Variants in MAGI2 observed in about 807,000 individuals in gnomAD.
The protein encoded by MAGI2 is membrane-associated guanylate kinase, WW and PDZ domain-containing protein 2.
A neutral mutation model predicts 133.3 loss-of-function variants in MAGI2; 35 were observed. That is an observed-to-expected ratio of 0.26 (90% CI 0.20 to 0.35). The LOEUF (loss-of-function observed/expected upper bound fraction) is 0.35, where lower values mean the gene tolerates loss of function less well. Among genes scored for constraint, MAGI2 ranks in the 10% least tolerant of loss-of-function variants. The pLI, the probability that MAGI2 is intolerant of heterozygous loss-of-function variation, is 1.00. For missense variants in MAGI2, 1,636 were observed against 1,863.4 expected (o/e 0.88, Z 2.25); for synonymous variants, 729 against 710.6 (o/e 1.03, Z -0.41).
chr7:79,230,644 T>C (rs1831286584), intron 1 of MAGI2, among the ~76,000 whole-genome samples: 1 of 150,234 alleles, frequency 6.7e-6, no homozygotes, highest in Admixed American at 6.6e-5. Context: ...GGGTTGTTTG[T>C]TTTTTTCTTG....
chr7:79,024,371 A>T (rs1809654305), intron 1 of MAGI2, among the ~76,000 whole-genome samples: 1 of 152,164 alleles, frequency 6.6e-6, no homozygotes, highest in Non-Finnish European at 1.5e-5. Context: ...ATCAAAAACT[A>T]TAAAAACCCT....
At chr7:78,791,730 A>G (rs552975690) in intron 2 of MAGI2, among the ~76,000 whole-genome samples, 15 of 151,952 alleles carry the variant, frequency 9.9e-5, no homozygotes, top group African/African-American at 3.1e-4. Context: ...TTGTGTTTTT[A>G]GTAGAGACAG....
chr7:78,717,153 C>T (rs1379996808), intron 2 of MAGI2, among the ~76,000 whole-genome samples: 3 of 152,094 alleles, frequency 2.0e-5, no homozygotes, highest in African/African-American at 7.2e-5. Flanking sequence ...GAGGCTCCTG[C>T]GCTCGCTGGT....
At chr7:79,108,999 C>T (rs984597429) in intron 1 of MAGI2, among the ~76,000 whole-genome samples, 1 of 152,192 alleles carries the variant, frequency 6.6e-6, no homozygotes, top group Admixed American at 6.5e-5. Flanking sequence ...AGAAGCTGAG[C>T]AGATGCTAGT....
intron 3 of MAGI2, among the ~76,000 whole-genome samples, chr7:78,524,714 C>G (rs769379491): frequency 3.3e-5 from 5 of 152,076 alleles, no homozygotes; most frequent in Non-Finnish European, 5.9e-5. Context: ...AACAGTTGCT[C>G]CCTGGTATCA....
intron 6 of MAGI2, among the ~76,000 whole-genome samples, chr7:78,374,090 ATTTG>A (rs1324063403): frequency 6.6e-6 from 1 of 152,068 alleles, no homozygotes; most frequent in Non-Finnish European, 1.5e-5. Context: ...TGGTAAAATG[ATTTG>A]TTTTCTTTTG....
At chr7:78,262,676 A>G (rs1388340324) in intron 9 of MAGI2, among the ~76,000 whole-genome samples, 1 of 152,144 alleles carries the variant, frequency 6.6e-6, no homozygotes, top group African/African-American at 2.4e-5. Flanking sequence ...TTCAGCAAAG[A>G]TTTACACATA....
At chr7:79,068,331 G>A (rs1447120827) in intron 1 of MAGI2, among the ~76,000 whole-genome samples, 1 of 152,110 alleles carries the variant, frequency 6.6e-6, no homozygotes, top group Non-Finnish European at 1.5e-5. Context: ...GTTTAGACTT[G>A]GGAGGCTGTA....
chr7:78,212,281 G>A (rs917521319), intron 10 of MAGI2, among the ~76,000 whole-genome samples: 3 of 152,080 alleles, frequency 2.0e-5, no homozygotes, highest in African/African-American at 7.2e-5. Flanking sequence ...TACTTTACAA[G>A]GCAAAAGATA....
intron 3 of MAGI2, among the ~76,000 whole-genome samples, chr7:78,588,811 A>C (rs1803688238): frequency 6.6e-6 from 1 of 152,220 alleles, no homozygotes; most frequent in South Asian, 2.1e-4. Context: ...AGTGTGCTCC[A>C]AATGTGATCA....
intron 2 of MAGI2, among the ~76,000 whole-genome samples, chr7:78,703,276 G>A (rs1380208573): frequency 6.6e-6 from 1 of 152,008 alleles, no homozygotes; most frequent in Non-Finnish European, 1.5e-5. Flanking sequence ...GACAGTGTCT[G>A]TTTTGAATAT....
At chr7:78,237,718 T>C (rs1252783637) in intron 10 of MAGI2, among the ~76,000 whole-genome samples, 1 of 152,108 alleles carries the variant, frequency 6.6e-6, no homozygotes, top group Non-Finnish European at 1.5e-5. Flanking sequence ...ATGAGTTGAA[T>C]GGGAGAAAAT....
chr7:78,320,032 G>A (rs934223914), intron 9 of MAGI2, among the ~76,000 whole-genome samples: 2 of 152,112 alleles, frequency 1.3e-5, no homozygotes, highest in South Asian at 2.1e-4. Context: ...TAGAAGAAAC[G>A]GATAAATTCC....
chr7:78,118,564 A>C (rs1820105350), intron 20 of MAGI2, among the ~76,000 whole-genome samples: 1 of 152,238 alleles, frequency 6.6e-6, no homozygotes, highest in Non-Finnish European at 1.5e-5. Context: ...ACCTCACCAA[A>C]GAAGATATAC....
chr7:78,554,769 A>G (rs1354415223), intron 3 of MAGI2: 1 of 152,212 alleles, frequency 6.6e-6, no homozygotes, highest in Non-Finnish European at 1.5e-5. Flanking sequence ...CCAAGTTATT[A>G]TCATTAAATC....
intron 7 of MAGI2, among the ~76,000 whole-genome samples, chr7:78,346,719 A>C (rs113842290): frequency 0.017 from 2,619 of 152,284 alleles, 76 homozygotes; most frequent in African/African-American, 0.061. Flanking sequence ...GCAAACTGTG[A>C]ATTTCTGTAT....
intron 6 of MAGI2, chr7:78,485,436 T>C (rs1028487554): frequency 6.6e-6 from 1 of 152,026 alleles, no homozygotes; most frequent in East Asian, 1.9e-4. Flanking sequence ...AGTAGCAGTA[T>C]TATCCTTTAA....
intron 10 of MAGI2, chr7:78,253,798 A>G (rs1792678916): frequency 6.6e-6 from 1 of 152,172 alleles, no homozygotes; most frequent in African/African-American, 2.4e-5. Flanking sequence ...ATAATTAAAA[A>G]CAGCCGACCA....
At chr7:78,843,740 TA>T (rs1230179373) in intron 2 of MAGI2, among the ~76,000 whole-genome samples, 1 of 151,290 alleles carries the variant, frequency 6.6e-6, no homozygotes, top group Non-Finnish European at 1.5e-5. Flanking sequence ...ATACTATAAT[TA>T]GGAGAGATGA....
Sources: gnomAD v4.1 joint callset for allele counts (sites outside exome capture counted in the v4.1 genomes callset) on GRCh38, gnomAD v4.1.1 for gene constraint, MANE v1.5 for transcripts, NCBI Gene and HGNC (gene_info 2026-07-23, HGNC 2026-07-21) for gene names.